The following NCAM2 variants were observed in gnomAD, a reference collection of about 807,000 sequenced individuals.
NCAM2 encodes neural cell adhesion molecule 2.
NCAM2 carries 30 observed loss-of-function variants against 98.1 expected under a neutral mutation model. The ratio of observed to expected loss-of-function variants is 0.31; its 90% CI spans 0.23 to 0.41. NCAM2 has a LOEUF of 0.41. NCAM2 is among the 10% of genes least tolerant of loss of function. NCAM2 has a pLI of 1.00. For missense variants in NCAM2, 867 were observed against 1,005.8 expected (o/e 0.86, Z 1.87); for synonymous variants, 368 against 342.4 (o/e 1.07, Z -0.83).
chr21:21,335,398 T>C, intron 6 of NCAM2, 107 bp from the exon 7 acceptor site: 2 of 752,188 alleles, frequency 2.7e-6, no homozygotes, highest in Non-Finnish European at 3.9e-6. Context: ...TGTCTTTCAA[T>C]GATGATAGCC....
At chr21:21,155,936 A>G (rs189178677) in intron 1 of NCAM2, among the ~76,000 whole-genome samples, 1 of 152,166 alleles carries the variant, frequency 6.6e-6, no homozygotes, top group African/African-American at 2.4e-5. Flanking sequence ...TCTGTAATTA[A>G]TTTAATTTGG....
chr21:21,221,277 C>T (rs2070139932), intron 1 of NCAM2, among the ~76,000 whole-genome samples: 2 of 152,066 alleles, frequency 1.3e-5, no homozygotes. Context: ...ATTACCACCC[C>T]TACAATGGCC....
At chr21:21,045,763 C>T (rs1352893298) in intron 1 of NCAM2, among the ~76,000 whole-genome samples, 1 of 152,236 alleles carries the variant, frequency 6.6e-6, no homozygotes, top group Admixed American at 6.5e-5. Context: ...AAATAATTAT[C>T]TGAACCTTCA....
chr21:21,265,089 T>A (rs1369068005), intron 1 of NCAM2, among the ~76,000 whole-genome samples: 2 of 77,502 alleles, frequency 2.6e-5, no homozygotes, highest in Non-Finnish European at 4.7e-5. Flanking sequence ...CACACATATA[T>A]TATATATACA....
chr21:21,427,842 G>C (rs2077248669), intron 11 of NCAM2, among the ~76,000 whole-genome samples: 1 of 152,192 alleles, frequency 6.6e-6, no homozygotes, highest in South Asian at 2.1e-4. Flanking sequence ...GTATGTAATA[G>C]AAGGAGGCTG....
intron 15 of NCAM2, among the ~76,000 whole-genome samples, chr21:21,486,205 G>A (rs1986352485): frequency 6.6e-6 from 1 of 151,072 alleles, no homozygotes; most frequent in South Asian, 2.1e-4. Context: ...TCGGGAGGCT[G>A]AGGCAGGAGC....
At chr21:21,384,296 A>G (rs2076217559) in intron 9 of NCAM2, among the ~76,000 whole-genome samples, 2 of 151,810 alleles carry the variant, frequency 1.3e-5, no homozygotes, top group East Asian at 1.9e-4. Flanking sequence ...TTTTATTTCT[A>G]TTGAAAGTTT....
intron 12 of NCAM2, among the ~76,000 whole-genome samples, chr21:21,461,451 A>C (rs1375217976): frequency 1.3e-5 from 2 of 151,918 alleles, no homozygotes; most frequent in Non-Finnish European, 2.9e-5. Flanking sequence ...TTACATAAGC[A>C]GTACAATAAA....
chr21:21,432,864 A>G (rs895207921), intron 12 of NCAM2, among the ~76,000 whole-genome samples: 2 of 152,198 alleles, frequency 1.3e-5, no homozygotes, highest in South Asian at 4.1e-4. Context: ...GACAAAACTA[A>G]AGCAGGAAAT....
intron 1 of NCAM2, among the ~76,000 whole-genome samples, chr21:21,123,848 C>CTTTTTTTTTTTTTTTGT (rs2066728449): frequency 1.2e-5 from 1 of 86,656 alleles, no homozygotes; most frequent in Non-Finnish European, 2.0e-5. Flanking sequence ...TTCTTGATTG[C>CTTTTTTTTTTTTTTTGT]TTTTTTTTTT....
At chr21:21,357,531 T>TA (rs1319033952) in intron 8 of NCAM2, among the ~76,000 whole-genome samples, 1 of 151,984 alleles carries the variant, frequency 6.6e-6, no homozygotes, top group Non-Finnish European at 1.5e-5. Flanking sequence ...TCTGCACTTT[T>TA]AAAAAAAGCT....
At chr21:21,466,206 A>G (rs568627182) in intron 12 of NCAM2, among the ~76,000 whole-genome samples, 8 of 152,172 alleles carry the variant, frequency 5.3e-5, no homozygotes, top group Admixed American at 1.3e-4. Context: ...ATTAAATTCC[A>G]TGATTCTATT....
intron 11 of NCAM2, among the ~76,000 whole-genome samples, chr21:21,423,051 T>G (rs1470309465): frequency 1.3e-5 from 2 of 152,112 alleles, no homozygotes; most frequent in African/African-American, 2.4e-5. Context: ...ATTTATATAT[T>G]TTTAAATTTC....
intron 1 of NCAM2, among the ~76,000 whole-genome samples, chr21:21,230,854 C>T (rs1601711659): frequency 1.3e-5 from 2 of 151,214 alleles, no homozygotes; most frequent in South Asian, 4.1e-4. Context: ...CTGGTAATAC[C>T]TATGGAGTTC....
At chr21:21,391,234 CA>C in intron 9 of NCAM2, among the ~76,000 whole-genome samples, 1 of 151,986 alleles carries the variant, frequency 6.6e-6, no homozygotes, top group East Asian at 1.9e-4. Context: ...TATTGTACAA[CA>C]CTAGAAATAG....
At chr21:21,282,696 AAAG>A (rs930589642) in intron 2 of NCAM2, among the ~76,000 whole-genome samples, 1 of 151,800 alleles carries the variant, frequency 6.6e-6, no homozygotes, top group African/African-American at 2.4e-5. Flanking sequence ...TCAAAGAGCT[AAAG>A]AAGTGTCATA....
intron 1 of NCAM2, among the ~76,000 whole-genome samples, chr21:21,080,773 T>G (rs1338017522): frequency 6.6e-6 from 1 of 151,802 alleles, no homozygotes; most frequent in African/African-American, 2.4e-5. Context: ...CGTGAGCTCC[T>G]GGAGCTTAAA....
At chr21:21,526,870 A>G (rs186019091) in intron 16 of NCAM2, among the ~76,000 whole-genome samples, 2 of 152,292 alleles carry the variant, frequency 1.3e-5, no homozygotes, top group Admixed American at 6.5e-5. Context: ...AGGCAGTACT[A>G]TGGTAAAAAG....
At position 21,432,125 on chromosome 21, in the gene NCAM2, T is replaced by C. The variant is rs201396138; in HGVS notation, c.1498T>C (p.Tyr500His). The C allele has an allele frequency of 1.2e-4, 195 of 1,614,054 alleles. No homozygotes were observed. The East Asian group carries it at 4.3e-3, about 36-fold the overall frequency. The change falls in exon 12 of 18, where the codon TAT (tyrosine) becomes CAT (histidine). Residue 500 changes from tyrosine to histidine, a missense_variant. Tyr to His is a moderately conservative substitution (Grantham distance 83, BLOSUM62 2). Coordinates refer to ENST00000400546, the MANE Select transcript of NCAM2 (RefSeq NM_004540.5). ...GTCCATAGACGTGCCATCCAGTCCC[T>C]ATGGAGTGAAGATCATAGAGCTGTC... ...LALADVPSSP[Y>H]GVKIIELSQT...
Sources: allele counts gnomAD v4.1 joint callset (sites outside exome capture counted in the v4.1 genomes callset), GRCh38; gene constraint gnomAD v4.1.1; transcripts MANE v1.5; gene names NCBI Gene and HGNC (gene_info 2026-07-23, HGNC 2026-07-21).